CARD8: variants seen among roughly 807,000 people sequenced by gnomAD.
The protein encoded by CARD8 is caspase recruitment domain-containing protein 8.
Under a neutral mutation model 53.2 loss-of-function variants are expected in CARD8, and 38 were observed. That is an observed-to-expected ratio of 0.71 (90% CI 0.55 to 0.94). The LOEUF is 0.94. CARD8 is among the 40% of genes least tolerant of loss of function. The pLI is 0.00. For missense variants in CARD8, 561 were observed against 655.5 expected, an observed-to-expected ratio of 0.86 and a Z score of 1.57; for synonymous variants, 245 against 244.9, an observed-to-expected ratio of 1.00 and a Z score of 0.00.
rs193117104 is a variant in CARD8, at chr19:48,253,159, A to G, written c.-252+2633T>C. On this transcript the variant is annotated intron_variant, in intron 1 of 13. Coordinates refer to ENST00000651546, the MANE Select transcript of CARD8 (RefSeq NM_001184900.3). ...GTACACATGATAGGAGCTAAAAAGA[A>G]TAGGACTGGTTAAGAGAATGTGGTG... Among the ~76,000 whole-genome samples, 15 of 152,342 alleles carry G rather than the reference A, an allele frequency of 9.8e-5. No individual in the cohort carries two copies. The East Asian group carries it at 2.9e-3, about 29-fold the overall frequency.
At chr19:48,234,356 T>A in intron 6 of CARD8, 47 bp downstream of exon 6, 1 of 1,566,170 alleles carries the variant, frequency 6.4e-7, no homozygotes, top group Non-Finnish European at 8.7e-7. Flanking sequence ...CTCTGTGATA[T>A]TGAGACACAG....
At chr19:48,220,686 G>C (rs2040308829) in intron 11 of CARD8, among the ~76,000 whole-genome samples, 1 of 151,922 alleles carries the variant, frequency 6.6e-6, no homozygotes, top group Non-Finnish European at 1.5e-5. Context: ...GGCCAAGGTG[G>C]GCAGATCACG....
In CARD8 at chr19:48,221,818, C is replaced by A; in HGVS notation, c.1073G>T (p.Arg358Leu). ...TTCCATTGGGGGCGAAGTCTGCAGG[C>A]GCACACCATGGAAGCGATCTTCCTC... ...DDEEDRFHGV[R>L]LQTSPPMEPL... Residue 358 changes from arginine (R) to leucine (L), a missense_variant, in exon 11 of 14, where the codon CGC (arginine) becomes CTC (leucine). Physicochemically the swap from Arg to Leu is moderately radical, Grantham distance 102 (BLOSUM62 -2). Transcript: ENST00000651546. 1.2e-6 allele frequency: 2 copies of A among 1,609,446 alleles called. No individual in the cohort carries two copies. Among genetic ancestry groups the A allele is most frequent in the South Asian group, 2.2e-5 (2 of 90,578 alleles).
At chr19:48,226,168 T>G (rs909229574) in intron 10 of CARD8, among the ~76,000 whole-genome samples, 2 of 152,144 alleles carry the variant, frequency 1.3e-5, no homozygotes, top group African/African-American at 4.8e-5. Flanking sequence ...GATGTAGTAA[T>G]GTATTTTTTA....
rs181895229 is a variant in CARD8, at chr19:48,231,421, C to T, written c.542+239G>A. On this transcript the variant is annotated intron_variant, in intron 8 of 13. Coordinates refer to ENST00000651546, the MANE Select transcript of CARD8 (RefSeq NM_001184900.3). ...CTGGGTTCAAGAGATTCTCCTTTCTCAGCCTCCTGATTAGCTGGGACTACA... is the reference window on the plus strand; with the variant it reads ...CTGGGTTCAAGAGATTCTCCTTTCTTAGCCTCCTGATTAGCTGGGACTACA... 2.9e-3 allele frequency among the ~76,000 whole-genome samples: 438 copies of T among 152,270 alleles called. 1 individual carries two copies. Among genetic ancestry groups the T allele is most frequent in the African/African-American group, 9.9e-3 (411 of 41,546 alleles).
chr19:48,207,165 CAA>C (rs71334273), downstream of CARD8, among the ~76,000 whole-genome samples: 2 of 81,826 alleles, frequency 2.4e-5, no homozygotes, highest in African/African-American at 9.8e-5. Context: ...GACTCTGTCT[CAA>C]AAAAAAAAAA....
At position 48,210,704 on chromosome 19, in the gene CARD8, C is replaced by T. The variant is rs908394448; in HGVS notation, c.*1006G>A. The T allele has an allele frequency of 2.6e-5, 4 of 152,032 alleles. No individual in the cohort carries two copies. The highest frequency in any genetic ancestry group is 4.4e-5 in the Non-Finnish European group (3 of 67,992). The allele number at this position is 152,032 out of a possible 1,614,324, so 9.4% of individuals were successfully genotyped here. A position where few individuals can be genotyped will look rare whatever the true frequency, so the allele number is the denominator to read the frequency against. On this transcript the variant is annotated 3_prime_UTR_variant, in exon 14 of 14. Transcript: ENST00000651546. ...CCTAACATATTAATAATTACATTAA[C>T]GTAAGTAATTGAAATCTTCCAGTTA...
intron 3 of CARD8, among the ~76,000 whole-genome samples, chr19:48,241,448 G>A (rs572360835): frequency 2.6e-5 from 4 of 152,264 alleles, no homozygotes; most frequent in South Asian, 4.1e-4. Context: ...TATAGACAGG[G>A]TTTCTCCATG....
At position 48,230,138 on chromosome 19, in the gene CARD8, G is replaced by GA. The variant is rs528042547; in HGVS notation, c.1035+299dup. Among the ~76,000 whole-genome samples the GA allele has an allele frequency of 1.6e-3, 248 of 152,100 alleles. 1 individual carries two copies. The highest frequency in any genetic ancestry group is 5.7e-3 in the African/African-American group (238 of 41,520). ...TAAAAAAAGAAAAAAACAACCTGGT[G>GA]AAAAAATCTCTGCATCTTCTCTGTC... On this transcript the variant is annotated intron_variant, in intron 10 of 13. Transcript: ENST00000651546.
At chr19:48,219,501 T>C (rs894619660) in intron 11 of CARD8, among the ~76,000 whole-genome samples, 12 of 152,170 alleles carry the variant, frequency 7.9e-5, no homozygotes, top group African/African-American at 2.7e-4. Context: ...AAGCCCCTTA[T>C]GCAGGACAGA....
At chr19:48,215,940 C>A (rs561980406) in intron 12 of CARD8, among the ~76,000 whole-genome samples, 1 of 151,990 alleles carries the variant, frequency 6.6e-6, no homozygotes, top group Admixed American at 6.6e-5. Context: ...ACATGCCCCC[C>A]CCACCCCACC....
chr19:48,220,819 G>A (rs1044455123), intron 11 of CARD8, among the ~76,000 whole-genome samples: 2 of 151,952 alleles, frequency 1.3e-5, no homozygotes, highest in African/African-American at 2.4e-5. Flanking sequence ...GCTGAGGCAG[G>A]AGAATCACTT....
At chr19:48,228,642 A>G (rs796786231) in intron 10 of CARD8, among the ~76,000 whole-genome samples, 30 of 152,300 alleles carry the variant, frequency 2.0e-4, no homozygotes, top group African/African-American at 6.5e-4. Flanking sequence ...AAAAATTGGA[A>G]GTATGACTGC....
chr19:48,221,705 T>C (rs1205972357), intron 11 of CARD8, 25 bp downstream of exon 11: 1 of 1,498,392 alleles, frequency 6.7e-7, no homozygotes. Flanking sequence ...TGAAACCTGC[T>C]GAGTTGGGTT....
downstream of CARD8, chr19:48,203,868 A>C (rs772195786): frequency 4.0e-6 from 1 of 251,224 alleles, no homozygotes; most frequent in Non-Finnish European, 8.1e-6. Context: ...CCCATTGGCC[A>C]CCTGTATCTC....
intron 5 of CARD8, among the ~76,000 whole-genome samples, chr19:48,235,937 G>T (rs769407824): frequency 6.6e-6 from 1 of 151,794 alleles, no homozygotes; most frequent in Non-Finnish European, 1.5e-5. Flanking sequence ...ATGTAAAATC[G>T]GGTTTCAGCT....
At chr19:48,245,586 T>C (rs754085929) in intron 3 of CARD8, among the ~76,000 whole-genome samples, 1 of 151,870 alleles carries the variant, frequency 6.6e-6, no homozygotes, top group Non-Finnish European at 1.5e-5. Context: ...AAGAAGAAAA[T>C]ACACTCATTA....
chr19:48,250,396 A>G (rs1487906612), intron 1 of CARD8, among the ~76,000 whole-genome samples: 3 of 152,186 alleles, frequency 2.0e-5, no homozygotes, highest in Admixed American at 6.5e-5. Context: ...AATGACCTTT[A>G]TGCAAGGTTG....
intron 13 of CARD8, among the ~76,000 whole-genome samples, chr19:48,212,494 T>C (rs544737264): frequency 6.6e-6 from 1 of 152,362 alleles, no homozygotes; most frequent in Admixed American, 6.5e-5. Flanking sequence ...TTTTCCATCA[T>C]GTAGACTCAG....
Sources: gnomAD v4.1 joint callset for allele counts (sites outside exome capture counted in the v4.1 genomes callset) on GRCh38, gnomAD v4.1.1 for gene constraint, MANE v1.5 for transcripts, NCBI Gene and HGNC (gene_info 2026-07-23, HGNC 2026-07-21) for gene names.